OPCML: variants seen among roughly 807,000 people sequenced by gnomAD.
OPCML encodes the protein opioid-binding protein/cell adhesion molecule.
In OPCML, 13 loss-of-function variants were observed where a neutral mutation model predicts 37.8. That is an observed-to-expected ratio of 0.34 (90% CI 0.22 to 0.55). The LOEUF (loss-of-function observed/expected upper bound fraction) is 0.55. Ranked by LOEUF, OPCML falls within the 20% of genes least tolerant of loss-of-function variation. OPCML has a pLI of 0.91. For synonymous variants in OPCML, 176 were observed against 168.8 expected, an observed-to-expected ratio of 1.04 and a Z score of -0.33; for missense variants, 341 against 435.6, an observed-to-expected ratio of 0.78 and a Z score of 1.93.
chr11:132,444,495 A>G (rs180947817), intron 4 of OPCML, among the ~76,000 whole-genome samples: 1 of 152,200 alleles, frequency 6.6e-6, no homozygotes, highest in Non-Finnish European at 1.5e-5. Flanking sequence ...TGTACTGTTT[A>G]CCCTTCTTCC....
In OPCML at chr11:132,544,882, C is replaced by A. The variant is rs539902208; in HGVS notation, c.380-15696G>T. The stretch of plus-strand genomic sequence containing the variant: ...ACACACTAACATTTCTCGCTGTACT[C>A]AGGGAAGCTGGTAGGAGCATGGCCT... On this transcript the variant is annotated intron_variant, in intron 3 of 7. Transcript: ENST00000524381. 3.6e-4 allele frequency among the ~76,000 whole-genome samples: 55 copies of A among 152,230 alleles called. No homozygotes were observed. In the Middle Eastern group the frequency reaches 0.02, roughly 56 times the overall value.
intron 4 of OPCML, among the ~76,000 whole-genome samples, chr11:132,478,613 A>G (rs891012087): frequency 1.3e-5 from 2 of 152,256 alleles, no homozygotes; most frequent in Non-Finnish European, 2.9e-5. Flanking sequence ...CTCAACAGTG[A>G]ACATGGTGAG....
chr11:133,421,787 C>T (rs1705857171), intron 1 of OPCML: 1 of 985,162 alleles, frequency 1.0e-6, no homozygotes, highest in South Asian at 4.7e-5. Context: ...ATATCAATTG[C>T]TTTCGAGTCT....
chr11:133,384,261 A>AG (rs1555149408), intron 1 of OPCML, among the ~76,000 whole-genome samples: 38 of 109,340 alleles, frequency 3.5e-4, no homozygotes, highest in East Asian at 1.5e-3. Context: ...AAAAAAAAAA[A>AG]AAAAGAAAAG....
intron 2 of OPCML, among the ~76,000 whole-genome samples, chr11:132,926,325 G>A (rs1944989265): frequency 6.6e-6 from 1 of 152,122 alleles, no homozygotes; most frequent in Non-Finnish European, 1.5e-5. Flanking sequence ...AAGCAGCTTG[G>A]ATCTCAGGCA....
chr11:132,927,447 T>C (rs1229361659), intron 2 of OPCML, among the ~76,000 whole-genome samples: 1 of 152,000 alleles, frequency 6.6e-6, no homozygotes, highest in Non-Finnish European at 1.5e-5. Context: ...AACAAACAAA[T>C]CTGTCACCCA....
rs558530031 is a variant in OPCML, at chr11:133,373,808, A to G, written c.61+158456T>C. ...CTGCCTTTTCTCTTATGTTATGGTC[A>G]TCTTTCCATGTCATATATAAACTCA... On this transcript the variant is annotated intron_variant, in intron 1 of 7. Coordinates refer to ENST00000524381, the MANE Select transcript of OPCML (RefSeq NM_001012393.5). Among the ~76,000 whole-genome samples the G allele has an allele frequency of 2.6e-5, 4 of 152,314 alleles. No homozygotes were observed. In the East Asian group the frequency reaches 7.7e-4, roughly 29 times the overall value.
At chr11:132,835,043 G>A (rs1940931090) in intron 2 of OPCML, among the ~76,000 whole-genome samples, 1 of 151,052 alleles carries the variant, frequency 6.6e-6, no homozygotes, top group African/African-American at 2.4e-5. Flanking sequence ...CCAGAGCCAG[G>A]ACTTCTACTC....
intron 2 of OPCML, among the ~76,000 whole-genome samples, chr11:132,771,225 C>A (rs773697764): frequency 6.6e-6 from 1 of 152,168 alleles, no homozygotes; most frequent in Non-Finnish European, 1.5e-5. Context: ...CAGAAGAGAA[C>A]AACATTTAAC....
chr11:133,514,704 A>C (rs1351732267), intron 1 of OPCML, among the ~76,000 whole-genome samples: 1 of 152,192 alleles, frequency 6.6e-6, no homozygotes, highest in Non-Finnish European at 1.5e-5. Flanking sequence ...GTAGGTCTGC[A>C]CTGTTATTTA....
rs201781451 is a variant in OPCML, at chr11:133,089,279, TAAG to T, written c.62-146272_62-146270del. ...CATACATTATGCCAAAAGAAGATTC[TAAG>T]GAGAATGTGAGTAATGAATACACTT... is the stretch of plus-strand genomic sequence containing the variant. On this transcript the variant is annotated intron_variant, in intron 1 of 7. Transcript: ENST00000524381. 3.4e-3 allele frequency among the ~76,000 whole-genome samples: 511 copies of T among 152,318 alleles called. 13 individuals carry two copies. Among genetic ancestry groups the T allele is most frequent in the Non-Finnish European group, 1.1e-3 (76 of 68,022 alleles).
chr11:132,644,600 G>A (rs920558953), intron 3 of OPCML, among the ~76,000 whole-genome samples: 2 of 152,188 alleles, frequency 1.3e-5, no homozygotes, highest in Non-Finnish European at 2.9e-5. Context: ...TTGGTAGCTT[G>A]TATCTCAGCT....
intron 1 of OPCML, among the ~76,000 whole-genome samples, chr11:133,520,799 C>T (rs1050617760): frequency 1.3e-5 from 2 of 152,118 alleles, no homozygotes; most frequent in Non-Finnish European, 2.9e-5. Context: ...TTTCTGAACC[C>T]GTTTCAGGTC....
chr11:132,900,943 A>C (rs1944039390), intron 2 of OPCML, among the ~76,000 whole-genome samples: 1 of 152,136 alleles, frequency 6.6e-6, no homozygotes, highest in Non-Finnish European at 1.5e-5. Flanking sequence ...CTGTAATCTC[A>C]GCACTTTGGG....
chr11:132,960,922 T>C (rs75474672), intron 1 of OPCML, among the ~76,000 whole-genome samples: 3,234 of 152,286 alleles, frequency 0.021, 45 homozygotes, highest in Middle Eastern at 0.034. Flanking sequence ...GCTGCAGTGA[T>C]GCTGAGGACA....
At chr11:132,623,215 A>C (rs1939529589) in intron 3 of OPCML, among the ~76,000 whole-genome samples, 1 of 152,144 alleles carries the variant, frequency 6.6e-6, no homozygotes, top group African/African-American at 2.4e-5. Flanking sequence ...GAGGCAGAGC[A>C]CATAAACCCA....
chr11:132,762,983 G>A (rs1192020053), intron 2 of OPCML, among the ~76,000 whole-genome samples: 3 of 152,156 alleles, frequency 2.0e-5, no homozygotes, highest in Non-Finnish European at 4.4e-5. Context: ...GGGTTGCGAA[G>A]AACATGGGAA....
In OPCML at chr11:132,417,620, G is replaced by A. The variant is rs966172775; in HGVS notation, c.*2573C>T. 3.3e-5 allele frequency: 5 copies of A among 152,190 alleles called. No individual in the cohort carries two copies. The highest frequency in any genetic ancestry group is 3.3e-4 in the Admixed American group (5 of 15,290). 9.4% of individuals were successfully genotyped at this position (152,190 alleles called of 1,614,324 possible). ...AGAACAAGTCTTGGAGTGAGGAATA[G>A]GTCCAGCTTGTCCATTTCAAGCACT... On this transcript the variant is annotated 3_prime_UTR_variant, in exon 8 of 8. Coordinates refer to ENST00000524381, the MANE Select transcript of OPCML (RefSeq NM_001012393.5).
At chr11:133,510,978 G>A (rs1457570718) in intron 1 of OPCML, among the ~76,000 whole-genome samples, 1 of 151,952 alleles carries the variant, frequency 6.6e-6, no homozygotes, top group East Asian at 1.9e-4. Context: ...GCCATTTCAA[G>A]TTCAACACAT....
Sources: gnomAD v4.1 joint callset for allele counts (sites outside exome capture counted in the v4.1 genomes callset) on GRCh38, gnomAD v4.1.1 for gene constraint, MANE v1.5 for transcripts, NCBI Gene and HGNC (gene_info 2026-07-23, HGNC 2026-07-21) for gene names.